The following EDEM2 variants were observed in gnomAD, a reference collection of about 807,000 sequenced individuals.
The protein encoded by EDEM2 is ER degradation-enhancing alpha-mannosidase-like protein 2.
Under a neutral mutation model 64.8 loss-of-function variants are expected in EDEM2, and 39 were observed. That is an observed-to-expected ratio of 0.60 (90% confidence interval 0.47 to 0.79). The LOEUF is 0.79. Ranked by LOEUF, EDEM2 falls within the 30% of genes least tolerant of loss-of-function variation. The pLI, the probability that EDEM2 is intolerant of heterozygous loss-of-function variation, is 0.00. For synonymous variants in EDEM2, 296 were observed against 291.5 expected (o/e 1.02, Z -0.16); for missense variants, 609 against 731.3 (o/e 0.83, Z 1.93).
rs371705256 is a variant in EDEM2, at chr20:35,144,967, C to T, written c.258+12G>A. On this transcript the variant is annotated intron_variant, in intron 3 of 10. Transcript: ENST00000374492. ...AACAGTGGAAAGGAAAAGAAACAGA[C>T]GAGATACTTACCAGCAAGGTGTCCA... is the stretch of plus-strand genomic sequence containing the variant. The T allele has an allele frequency of 3.2e-4, 514 of 1,613,578 alleles. 1 individual carries two copies. The highest frequency in any genetic ancestry group is 3.1e-3 in the Admixed American group (184 of 59,976).
rs2085508067 is a variant in EDEM2, at chr20:35,131,741, G to C, written c.745C>G (p.Gln249Glu). ...ACGCCAGCCCCGATGCCTGCGTCCT[G>C]GGCCACCCACTTGCCAGTGAGCACA... ...IDVLTGKWVA[Q>E]DAGIGAGVDS... Residue 249 changes from glutamine (Q) to glutamate (E), a missense_variant, in exon 7 of 11, where the codon CAG becomes GAG. Gln to Glu is a conservative substitution (Grantham distance 29, BLOSUM62 2). Transcript: ENST00000374492. 1.2e-6 allele frequency: 2 copies of C among 1,614,094 alleles called. No individual in the cohort carries two copies. The highest frequency in any genetic ancestry group is 8.5e-7 in the Non-Finnish European group (1 of 1,180,020).
At position 35,128,299 on chromosome 20, in the gene EDEM2, C is replaced by T. The variant is rs572615078; in HGVS notation, c.845-1924G>A. Among the ~76,000 whole-genome samples, 352 of 151,000 alleles carry T rather than the reference C, an allele frequency of 2.3e-3. 9 individuals are homozygous for T. The highest frequency in any genetic ancestry group is 4.1e-3 in the Non-Finnish European group (275 of 67,890). ...TCGGGAGGCTGAGGCAGGAGAATGG[C>T]GTGAATCCGGGAGGTGGAGTTTGTA... On this transcript the variant is annotated intron_variant, in intron 7 of 10. Transcript: ENST00000374492.
At chr20:35,120,453 T>C (rs1439867145) in intron 9 of EDEM2, among the ~76,000 whole-genome samples, 1 of 152,066 alleles carries the variant, frequency 6.6e-6, no homozygotes, top group African/African-American at 2.4e-5. Context: ...CTCTAGACAA[T>C]TGCTAATCTA....
chr20:35,141,991 G>A (rs1311955797), intron 4 of EDEM2, among the ~76,000 whole-genome samples: 2 of 152,154 alleles, frequency 1.3e-5, no homozygotes, highest in Non-Finnish European at 2.9e-5. Context: ...CTACCATACT[G>A]GACAAAACAC....
chr20:35,145,363 T>C (rs1243350111), intron 2 of EDEM2, among the ~76,000 whole-genome samples: 2 of 152,218 alleles, frequency 1.3e-5, no homozygotes, highest in African/African-American at 4.8e-5. Context: ...AACAGCTGTT[T>C]GAGAGTGTTC....
chr20:35,116,020 C>T (rs1266937672), intron 10 of EDEM2, 87 bp from the exon 11 acceptor site: 9 of 1,461,140 alleles, frequency 6.2e-6, no homozygotes, highest in African/African-American at 1.4e-5. Flanking sequence ...GCCTGTTCTG[C>T]CACAAAGCAG....
At chr20:35,123,845 C>T in intron 9 of EDEM2, 45 bp downstream of exon 9, 1 of 1,601,692 alleles carries the variant, frequency 6.2e-7, no homozygotes, top group Non-Finnish European at 8.5e-7. Context: ...GGGGTTTCAG[C>T]AACCAGAGCC....
At chr20:35,128,366 G>C (rs1448241650) in intron 7 of EDEM2, among the ~76,000 whole-genome samples, 2 of 146,976 alleles carry the variant, frequency 1.4e-5, no homozygotes, top group African/African-American at 5.1e-5. Context: ...CTGGGCAACA[G>C]AGCAAGACTC....
intron 1 of EDEM2, 85 bp downstream of exon 1, chr20:35,147,067 G>A: frequency 6.5e-7 from 1 of 1,547,212 alleles, no homozygotes; most frequent in South Asian, 1.2e-5. Context: ...GTCGGAGCAA[G>A]TCGGGGTCTG....
chr20:35,136,547 G>A (rs1375158570), intron 5 of EDEM2, among the ~76,000 whole-genome samples: 5 of 151,876 alleles, frequency 3.3e-5, no homozygotes, highest in South Asian at 2.1e-4. Flanking sequence ...ACTTGATCCC[G>A]GGAGTTCAAG....
rs866527303 is a variant in EDEM2, at chr20:35,147,213, G to A, written c.46C>T (p.Leu16=). 6.2e-7 allele frequency: 1 copy of A among 1,601,334 alleles called. No individual in the cohort carries two copies. The highest frequency in any genetic ancestry group is 8.5e-7 in the Non-Finnish European group (1 of 1,172,300). The change falls in exon 1 of 11, where the codon CTG becomes TTG. Residue 16 remains leucine (L), a synonymous_variant. Transcript: ENST00000374492. ...CCTGGCGCACCATGGTGCTGAGGCA[G>A]CAGCGCGCACAGGAGGCCGAGCGGG... The part of the protein sequence containing the change: ...LIPLGLLCAL[L]PQHHGAPGPD...
intron 8 of EDEM2, among the ~76,000 whole-genome samples, chr20:35,124,770 T>C (rs2085411023): frequency 6.6e-6 from 1 of 152,234 alleles, no homozygotes; most frequent in Non-Finnish European, 1.5e-5. Flanking sequence ...GGTTCTTTAT[T>C]AATAGGGATA....
rs541923757 is a variant in EDEM2 at position 35,129,874 on chromosome 20, T to C, written c.844+1768A>G. ...GTACAGGTTTGTAGCCTAGGAGCAA[T>C]AGGCTACACCATATAGCCTAGGTGT... On this transcript the variant is annotated intron_variant, in intron 7 of 10. Coordinates refer to ENST00000374492, the MANE Select transcript of EDEM2 (RefSeq NM_018217.3). 7.5e-4 allele frequency among the ~76,000 whole-genome samples: 114 copies of C among 152,286 alleles called. 1 individual carries two copies. The highest frequency in any genetic ancestry group is 2.7e-3 in the African/African-American group (111 of 41,554).
Position 35,147,154 on chromosome 20 carries a change from G to A in EDEM2, c.105C>T (p.Tyr35=). Residue 35 remains tyrosine (Y), a splice_region_variant and synonymous_variant, in exon 1 of 11, where the codon TAC becomes TAT. Coordinates refer to ENST00000374492, the MANE Select transcript of EDEM2 (RefSeq NM_018217.3). The part of the protein sequence containing the change: ...PDGSAPDPAH[Y]RERVKAMFYH... ...CGAAAGGGCGGGTCACAGTTCACCT[G>A]TAGTGGGCGGGATCTGGCGCGGAGC... The A allele has an allele frequency of 6.2e-7, 1 of 1,601,256 alleles. No homozygotes were observed. Among genetic ancestry groups the A allele is most frequent in the South Asian group, 1.1e-5 (1 of 89,752 alleles).
intron 9 of EDEM2, among the ~76,000 whole-genome samples, chr20:35,120,647 G>C (rs2085357446): frequency 1.4e-5 from 2 of 140,898 alleles, no homozygotes; most frequent in Non-Finnish European, 3.0e-5. Context: ...ACCCAGGCTA[G>C]AGTGCAATGG....
intron 7 of EDEM2, among the ~76,000 whole-genome samples, chr20:35,130,048 A>C (rs977547436): frequency 2.0e-5 from 3 of 152,064 alleles, no homozygotes; most frequent in Admixed American, 1.3e-4. Flanking sequence ...CATCTATGAG[A>C]ATTCTTAATT....
chr20:35,142,551 T>C (rs936515623), intron 3 of EDEM2, 73 bp from the exon 4 acceptor site: 1 of 1,151,524 alleles, frequency 8.7e-7, no homozygotes, highest in Non-Finnish European at 1.3e-6. Context: ...TGGGATCCTA[T>C]GTTGATGTGG....
intron 3 of EDEM2, 119 bp from the exon 4 acceptor site, chr20:35,142,597 T>C (rs2085671924): frequency 1.4e-6 from 1 of 697,352 alleles, no homozygotes; most frequent in South Asian, 1.8e-5. Flanking sequence ...CCAGTTTCTG[T>C]CCTAGGATTG....
chr20:35,134,587 G>A (rs1450728574), intron 6 of EDEM2, 151 bp downstream of exon 6: 5 of 810,548 alleles, frequency 6.2e-6, no homozygotes, highest in Non-Finnish European at 7.6e-6. Flanking sequence ...ACTTGAATTG[G>A]AGGCTTGGTC....
Sources: gnomAD v4.1 joint callset for allele counts (sites outside exome capture counted in the v4.1 genomes callset) on GRCh38, gnomAD v4.1.1 for gene constraint, MANE v1.5 for transcripts, NCBI Gene and HGNC (gene_info 2026-07-23, HGNC 2026-07-21) for gene names.